The following ADGRA2 variants were observed in gnomAD, a reference collection of about 807,000 sequenced individuals.
ADGRA2 encodes the protein adhesion G protein-coupled receptor A2.
A neutral mutation model predicts 98.7 loss-of-function variants in ADGRA2; 61 were observed. The ratio of observed to expected loss-of-function variants is 0.62; its 90% CI spans 0.50 to 0.76. The LOEUF is 0.76. Ranked by LOEUF, ADGRA2 falls within the 30% of genes least tolerant of loss-of-function variation. ADGRA2 has a pLI of 0.00. For synonymous variants in ADGRA2, 858 were observed against 831.5 expected, an observed-to-expected ratio of 1.03 and a Z score of -0.55; for missense variants, 1,712 against 1,860.0, an observed-to-expected ratio of 0.92 and a Z score of 1.46.
intron 1 of ADGRA2, among the ~76,000 whole-genome samples, chr8:37,804,100 G>GAGACACACACACACACAC (rs1310425865): frequency 6.5e-5 from 7 of 107,104 alleles, no homozygotes; most frequent in African/African-American, 1.8e-4. Flanking sequence ...CCCACGGTGA[G>GAGACACACACACACACAC]ACACACACAC....
chr8:37,800,952 CT>C (rs1256473629), intron 1 of ADGRA2, among the ~76,000 whole-genome samples: 2 of 152,114 alleles, frequency 1.3e-5, no homozygotes, highest in African/African-American at 4.8e-5. Flanking sequence ...ATGGAAGACC[CT>C]TTTTTTCCTC....
In ADGRA2 at chr8:37,841,797, C is replaced by T. The variant is rs563097412; in HGVS notation, c.3459C>T (p.Ala1153=). 14 of 1,531,020 alleles carry T rather than the reference C, an allele frequency of 9.1e-6. No homozygotes were observed. In the Admixed American group the frequency reaches 2.6e-4, roughly 28 times the overall value. 94.8% of individuals were successfully genotyped at this position (1,531,020 alleles called of 1,614,324 possible). ...AGGTGTGCGAGGCGGGGGCGGCGGC[C>T]GGCGGGGAAGGAGAGCCGGAGCCGG... is the stretch of plus-strand genomic sequence containing the variant. ...QSQVCEAGAA[A]GGEGEPEPAG... The change falls in exon 19 of 19, where the codon GCC becomes GCT. Residue 1153 remains alanine, a synonymous_variant. Transcript: ENST00000412232. The surrounding 1 kb of genome is among the most constrained non-coding windows in gnomAD (Gnocchi z 5.0).
intron 2 of ADGRA2, among the ~76,000 whole-genome samples, chr8:37,825,940 C>T (rs73673888): frequency 0.018 from 2,738 of 152,248 alleles, 104 homozygotes; most frequent in African/African-American, 0.062. Flanking sequence ...AAGGCATGCC[C>T]ACCCTCCGTG....
chr8:37,806,823 C>T (rs950623268), intron 1 of ADGRA2, among the ~76,000 whole-genome samples: 2 of 152,098 alleles, frequency 1.3e-5, no homozygotes, highest in South Asian at 2.1e-4. Context: ...AGCCACTGCG[C>T]CCGGCATGTA....
rs1805832027 is a variant in ADGRA2, at chr8:37,842,312, G to A, written c.3974G>A (p.Gly1325Asp). ...ATGGGCGCGGAGGTAGCCAGCGGCG[G>A]CTGCATGAAGACCGGACTCTGGAAG... Reference protein sequence around the residue: ...TLMGAEVASGGCMKTGLWKSE... With the variant: ...TLMGAEVASGDCMKTGLWKSE... The change falls in exon 19 of 19, where the codon GGC (glycine) becomes GAC (aspartate). Residue 1325 changes from glycine to aspartate, a missense_variant. Transcript: ENST00000412232. 6.5e-7 allele frequency: 1 copy of A among 1,542,264 alleles called. No homozygotes were observed. Among genetic ancestry groups the A allele is most frequent in the African/African-American group, 1.4e-5 (1 of 70,328 alleles).
intron 1 of ADGRA2, among the ~76,000 whole-genome samples, chr8:37,803,306 G>C (rs1260118111): frequency 6.6e-6 from 1 of 152,148 alleles, no homozygotes; most frequent in Non-Finnish European, 1.5e-5. Context: ...GAGAGGGGAG[G>C]AGAGTTCCCG....
intron 2 of ADGRA2, among the ~76,000 whole-genome samples, chr8:37,820,585 T>G (rs904386960): frequency 2.4e-4 from 37 of 152,358 alleles, no homozygotes; most frequent in African/African-American, 8.2e-4. Flanking sequence ...ATGTCTAGGC[T>G]TGGGCGGCTG....
At chr8:37,829,732 C>A in intron 5 of ADGRA2, 119 bp from the exon 6 acceptor site, 1 of 1,092,626 alleles carries the variant, frequency 9.2e-7, no homozygotes, top group Non-Finnish European at 1.4e-6. Flanking sequence ...AGATGGTGCA[C>A]ATAGACCCGA....
At position 37,834,650 on chromosome 8, in the gene ADGRA2, T is replaced by C. The variant is rs545240342; in HGVS notation, c.1608+522T>C. 5.1e-4 allele frequency among the ~76,000 whole-genome samples: 77 copies of C among 152,168 alleles called. 2 individuals carry two copies. The highest frequency in any genetic ancestry group is 1.8e-3 in the African/African-American group (74 of 41,500). On this transcript the variant is annotated intron_variant, in intron 11 of 18. Coordinates refer to ENST00000412232, the MANE Select transcript of ADGRA2 (RefSeq NM_032777.10). This position sits in a 1 kb window ranked among gnomAD's most constrained non-coding sequence, Gnocchi z 4.2. The stretch of plus-strand genomic sequence containing the variant: ...GCAAGAAGCCTGTAATCCCAGCACG[T>C]TGGGAGGCCGATACAGGAGGATCTC...
chr8:37,832,937 G>GT (rs1248158988), intron 8 of ADGRA2, 73 bp from the exon 9 acceptor site: 4 of 1,211,740 alleles, frequency 3.3e-6, no homozygotes, highest in Non-Finnish European at 4.8e-6. Context: ...CGGCCTCACC[G>GT]TTCTAAAGTC....
chr8:37,832,754 C>G (rs1287672671), intron 8 of ADGRA2, among the ~76,000 whole-genome samples: 4 of 152,162 alleles, frequency 2.6e-5, no homozygotes, highest in Non-Finnish European at 4.4e-5. Flanking sequence ...AAATACCTTG[C>G]CTTAAGCCAT....
intron 2 of ADGRA2, among the ~76,000 whole-genome samples, chr8:37,819,705 C>CT (rs1486076739): frequency 6.6e-6 from 1 of 151,188 alleles, no homozygotes; most frequent in East Asian, 2.0e-4. Context: ...GAGTCTCACT[C>CT]TGTCACCCAG....
At chr8:37,837,144 C>G (rs1167733615) in intron 13 of ADGRA2, among the ~76,000 whole-genome samples, 1 of 152,226 alleles carries the variant, frequency 6.6e-6, no homozygotes, top group African/African-American at 2.4e-5. Flanking sequence ...CCCAACCTAG[C>G]TGGAGGCCAG....
rs750649706 is a variant in ADGRA2, at chr8:37,841,258, A to AG, written c.2924dup (p.Ser976PhefsTer13). 2 of 1,613,230 alleles carry AG rather than the reference A, an allele frequency of 1.2e-6. No individual in the cohort carries two copies. The highest frequency in any genetic ancestry group is 1.7e-6 in the Non-Finnish European group (2 of 1,179,764). On this transcript the variant is annotated frameshift_variant, in exon 19 of 19. Coordinates refer to ENST00000412232, the MANE Select transcript of ADGRA2 (RefSeq NM_032777.10). LOFTEE classifies it low-confidence loss of function (END_TRUNC). This position sits in a 1 kb window ranked among gnomAD's most constrained non-coding sequence, Gnocchi z 5.0. ...CTCCCTGGAGGCAGGGGAGGAGCTG[A>AG]GGGGTTCCACCAGGCTCAGGGGCAG...
chr8:37,808,878 T>C (rs2129923642), intron 1 of ADGRA2, among the ~76,000 whole-genome samples: 1 of 152,262 alleles, frequency 6.6e-6, no homozygotes, highest in African/African-American at 2.4e-5. Flanking sequence ...TGGAGTACAG[T>C]GGCATGATTT....
rs201369862 is a variant in ADGRA2 at position 37,841,217 on chromosome 8, C to A, written c.2879C>A (p.Ala960Glu). ...GGTCCTCTGGCACAGAACCCCAAGGCGGGCAACAGCAGGGCCTCCCTGGAG... is the reference window on the plus strand; with the variant it reads ...GGTCCTCTGGCACAGAACCCCAAGGAGGGCAACAGCAGGGCCTCCCTGGAG... ...LRGPLAQNPKAGNSRASLEAG... is the reference protein window; with the variant it reads ...LRGPLAQNPKEGNSRASLEAG... The change falls in exon 19 of 19, where the codon GCG (alanine) becomes GAG (glutamate). Residue 960 changes from alanine to glutamate, a missense_variant. By Grantham distance (107) the Ala-to-Glu change is moderately radical. Transcript: ENST00000412232. This position sits in a 1 kb window ranked among gnomAD's most constrained non-coding sequence, Gnocchi z 5.0. 6.2e-7 allele frequency: 1 copy of A among 1,613,584 alleles called. No homozygotes were observed. The highest frequency in any genetic ancestry group is 8.5e-7 in the Non-Finnish European group (1 of 1,180,024).
At chr8:37,806,673 A>T (rs1158564993) in intron 1 of ADGRA2, among the ~76,000 whole-genome samples, 1 of 151,224 alleles carries the variant, frequency 6.6e-6, no homozygotes, top group Non-Finnish European at 1.5e-5. Context: ...GGGACTACAG[A>T]TGCATGCTAC....
intron 13 of ADGRA2, among the ~76,000 whole-genome samples, chr8:37,836,995 A>G (rs1805632808): frequency 6.6e-6 from 1 of 152,180 alleles, no homozygotes; most frequent in African/African-American, 2.4e-5. Context: ...TCCTTGAGGA[A>G]CACACCCTTC....
At chr8:37,820,737 G>T (rs1193401851) in intron 2 of ADGRA2, among the ~76,000 whole-genome samples, 2 of 152,232 alleles carry the variant, frequency 1.3e-5, no homozygotes, top group East Asian at 3.8e-4. Context: ...AGCCCCTTGA[G>T]CCTTTGCAAA....
Sources: gnomAD v4.1 joint callset for allele counts (sites outside exome capture counted in the v4.1 genomes callset) on GRCh38, gnomAD v4.1.1 for gene constraint, Gnocchi (gnomAD v3.1) non-coding constraint, MANE v1.5 for transcripts, NCBI Gene and HGNC (gene_info 2026-07-23, HGNC 2026-07-21) for gene names.